DPP10: variants seen among roughly 807,000 people sequenced by gnomAD.
DPP10 encodes inactive dipeptidyl peptidase 10.
In DPP10, 33 loss-of-function variants were observed where a neutral mutation model predicts 120.9. That is an observed-to-expected ratio of 0.27 (90% CI 0.21 to 0.37). The LOEUF (loss-of-function observed/expected upper bound fraction) is 0.37, where lower values mean the gene tolerates loss of function less well. DPP10 is among the 10% of genes least tolerant of loss of function. DPP10 has a pLI of 1.00. For synonymous variants in DPP10, 337 were observed against 326.1 expected (o/e 1.03, Z -0.36); for missense variants, 816 against 942.8 (o/e 0.87, Z 1.76).
Position 114,825,540 on chromosome 2 carries a change from C to A in DPP10, c.60+382702C>A, listed in dbSNP as rs545985633. ...TTTTCTAAACATAAAGAAGCTATCT[C>A]TCTTGCTTCTCTCCCGAAGAATTAC... On this transcript the variant is annotated intron_variant, in intron 1 of 25. Transcript: ENST00000410059. Among the ~76,000 whole-genome samples, 16 of 152,276 alleles carry A rather than the reference C, an allele frequency of 1.1e-4. No homozygotes were observed. The Middle Eastern group carries it at 0.017, about 162-fold the overall frequency.
chr2:115,157,604 T>C (rs929603062), intron 1 of DPP10, among the ~76,000 whole-genome samples: 3 of 152,226 alleles, frequency 2.0e-5, no homozygotes, highest in Non-Finnish European at 2.9e-5. Flanking sequence ...GTAGCTTGTT[T>C]ATGAGGATTG....
At chr2:115,159,068 C>T (rs1477674354) in intron 1 of DPP10, among the ~76,000 whole-genome samples, 3 of 151,664 alleles carry the variant, frequency 2.0e-5, no homozygotes, top group African/African-American at 4.9e-5. Context: ...AGAAGATAGG[C>T]ATTTGATTTA....
intron 1 of DPP10, among the ~76,000 whole-genome samples, chr2:114,906,873 T>G (rs1210881594): frequency 6.6e-6 from 1 of 152,166 alleles, no homozygotes; most frequent in African/African-American, 2.4e-5. Flanking sequence ...TTGGATATAT[T>G]TCCTCATTTT....
chr2:115,498,756 C>G (rs572600031), intron 3 of DPP10, among the ~76,000 whole-genome samples: 112 of 149,520 alleles, frequency 7.5e-4, no homozygotes, highest in Non-Finnish European at 1.3e-3. Flanking sequence ...TCCTTATATC[C>G]TGTCAGTTTT....
rs1031520372 is a variant in DPP10 at position 115,072,170 on chromosome 2, G to GT, written c.61-237061dup. On this transcript the variant is annotated intron_variant, in intron 1 of 25. Coordinates refer to ENST00000410059, the MANE Select transcript of DPP10 (RefSeq NM_020868.6). ...CACATTGATGCCTTCCTTCCCCACT[G>GT]TTTTTTTTAAAAAGCACATATATCA... Among the ~76,000 whole-genome samples, 54 of 151,992 alleles carry GT rather than the reference G, an allele frequency of 3.6e-4. 1 individual carries two copies. The highest frequency in any genetic ancestry group is 1.6e-3 in the Admixed American group (25 of 15,256).
intron 7 of DPP10, among the ~76,000 whole-genome samples, chr2:115,694,675 A>G (rs1158347308): frequency 6.6e-6 from 1 of 152,202 alleles, no homozygotes; most frequent in Non-Finnish European, 1.5e-5. Context: ...TTCCATTCAG[A>G]TAACAATTGC....
chr2:114,468,052 G>A (rs111646952), intron 1 of DPP10, among the ~76,000 whole-genome samples: 1 of 152,202 alleles, frequency 6.6e-6, no homozygotes, highest in African/African-American at 2.4e-5. Context: ...AGTAATAAAA[G>A]TGATAGCTCC....
At chr2:114,993,580 G>GTGTGTGTATATATA (rs71394121) in intron 1 of DPP10, among the ~76,000 whole-genome samples, 2 of 97,326 alleles carry the variant, frequency 2.1e-5, no homozygotes, top group Non-Finnish European at 4.0e-5. Context: ...GTGTGTGTGT[G>GTGTGTGTATATATA]TATATATATA....
At chr2:114,758,243 T>C (rs2106085693) in intron 1 of DPP10, among the ~76,000 whole-genome samples, 1 of 152,346 alleles carries the variant, frequency 6.6e-6, no homozygotes, top group South Asian at 2.1e-4. Flanking sequence ...CTCTGTTCAC[T>C]TTCTACCAAA....
chr2:114,909,609 T>TAGAAAA (rs1694215438), intron 1 of DPP10, among the ~76,000 whole-genome samples: 1 of 151,954 alleles, frequency 6.6e-6, no homozygotes, highest in African/African-American at 2.4e-5. Flanking sequence ...CTGAGTAAAG[T>TAGAAAA]AGAAAAAAAC....
intron 1 of DPP10, among the ~76,000 whole-genome samples, chr2:114,766,773 A>AG (rs1446377650): frequency 1.3e-5 from 2 of 152,138 alleles, no homozygotes; most frequent in African/African-American, 2.4e-5. Context: ...AATAGTTGCC[A>AG]GGGGGGCAGA....
At chr2:115,416,370 G>T (rs1053525448) in intron 3 of DPP10, among the ~76,000 whole-genome samples, 3 of 152,094 alleles carry the variant, frequency 2.0e-5, no homozygotes, top group Non-Finnish European at 4.4e-5. Context: ...GCTAATACAG[G>T]TTTGATTCCT....
chr2:114,551,390 T>C (rs145256213), intron 1 of DPP10, among the ~76,000 whole-genome samples: 102 of 152,360 alleles, frequency 6.7e-4, no homozygotes, highest in African/African-American at 2.1e-3. Context: ...ATCAAGGCTA[T>C]AATTTTTATT....
chr2:115,417,919 A>G (rs1262233377), intron 3 of DPP10, among the ~76,000 whole-genome samples: 1 of 144,808 alleles, frequency 6.9e-6, no homozygotes, highest in Non-Finnish European at 1.5e-5. Context: ...CATTACCTCC[A>G]GAATAATAGT....
chr2:115,785,080 TC>T (rs1337076616), intron 17 of DPP10, among the ~76,000 whole-genome samples: 1 of 152,210 alleles, frequency 6.6e-6, no homozygotes, highest in Non-Finnish European at 1.5e-5. Flanking sequence ...AGAAGTACTT[TC>T]TATAGATGAC....
At chr2:114,497,192 T>C (rs979002831) in intron 1 of DPP10, among the ~76,000 whole-genome samples, 1 of 149,826 alleles carries the variant, frequency 6.7e-6, no homozygotes, top group African/African-American at 2.4e-5. Context: ...CGTGTATACA[T>C]GTGTATGCAT....
intron 1 of DPP10, among the ~76,000 whole-genome samples, chr2:114,788,444 T>G: frequency 6.9e-6 from 1 of 145,834 alleles, no homozygotes. Context: ...TGAGACGGAG[T>G]CTCACTCTGT....
At chr2:115,213,259 G>T (rs1237033145) in intron 1 of DPP10, among the ~76,000 whole-genome samples, 3 of 152,144 alleles carry the variant, frequency 2.0e-5, no homozygotes, top group African/African-American at 7.2e-5. Flanking sequence ...ACATACCTTA[G>T]AGTAGGATGC....
chr2:115,096,286 T>C (rs530056750), intron 1 of DPP10, among the ~76,000 whole-genome samples: 23 of 152,276 alleles, frequency 1.5e-4, no homozygotes, highest in African/African-American at 5.5e-4. Flanking sequence ...CAAAAAGAAG[T>C]GGCCAACACC....
Sources: allele counts gnomAD v4.1 joint callset (sites outside exome capture counted in the v4.1 genomes callset), GRCh38; gene constraint gnomAD v4.1.1; transcripts MANE v1.5; gene names NCBI Gene and HGNC (gene_info 2026-07-23, HGNC 2026-07-21).